Variants in GRAP2 observed in about 807,000 individuals in gnomAD.
The protein encoded by GRAP2 is GRB2-related adapter protein 2.
A neutral mutation model predicts 43.5 loss-of-function variants in GRAP2; 31 were observed. The ratio of observed to expected loss-of-function variants is 0.71; its 90% CI spans 0.54 to 0.96. GRAP2 has a LOEUF of 0.96. GRAP2 is among the 40% of genes least tolerant of loss of function. GRAP2 has a pLI of 0.00. For synonymous variants in GRAP2, 156 were observed against 164.8 expected (o/e 0.95, Z 0.41); for missense variants, 371 against 424.4 (o/e 0.87, Z 1.11).
At chr22:39,938,918 C>T (rs772350855) in intron 1 of GRAP2, among the ~76,000 whole-genome samples, 2 of 152,130 alleles carry the variant, frequency 1.3e-5, no homozygotes, top group Non-Finnish European at 2.9e-5. Flanking sequence ...TTATAATTCT[C>T]GGACAAGCTG....
At chr22:39,926,930 A>T in intron 1 of GRAP2, 2 of 780,864 alleles carry the variant, frequency 2.6e-6, no homozygotes, top group Non-Finnish European at 3.1e-6. Flanking sequence ...GCTGCCACCC[A>T]CTGCCTGGCT....
At chr22:39,957,092 A>T (rs1031588301) in intron 3 of GRAP2, among the ~76,000 whole-genome samples, 2 of 152,226 alleles carry the variant, frequency 1.3e-5, no homozygotes. Flanking sequence ...AGAATTGACC[A>T]CAAGGGTTAG....
chr22:39,906,853 T>C (rs1485456942), intron 1 of GRAP2, among the ~76,000 whole-genome samples: 2 of 152,210 alleles, frequency 1.3e-5, no homozygotes, highest in Non-Finnish European at 2.9e-5. Context: ...ATAGTTCTCT[T>C]GTTAAATATG....
chr22:39,913,221 G>T (rs1228609085), intron 1 of GRAP2, among the ~76,000 whole-genome samples: 2 of 151,804 alleles, frequency 1.3e-5, no homozygotes, highest in South Asian at 2.1e-4. Context: ...AGAGGACAGG[G>T]CTGATGTTCA....
rs1601747189 is a variant in GRAP2, at chr22:39,969,470, T to A, written c.750T>A (p.Ser250Arg). ...NDGHCGTGLG[S>R]EMNAALMHRR... ...GGCATTGTGGCACCGGCTTGGGCAG[T>A]GAAATGAATGCGGCCCTCATGCATC... Residue 250 changes from serine (S) to arginine (R), a missense_variant, in exon 7 of 8, where the codon AGT becomes AGA. By Grantham distance (110) the Ser-to-Arg change is moderately radical (BLOSUM62 -1). Transcript: ENST00000344138. The A allele has an allele frequency of 6.2e-7, 1 of 1,613,866 alleles. No individual in the cohort carries two copies. The highest frequency in any genetic ancestry group is 1.3e-5 in the African/African-American group (1 of 74,878).
chr22:39,935,596 C>T (rs1397745683), intron 1 of GRAP2, among the ~76,000 whole-genome samples: 1 of 152,118 alleles, frequency 6.6e-6, no homozygotes, highest in Non-Finnish European at 1.5e-5. Context: ...AGTACCTTTA[C>T]TTGTAAAAAT....
At chr22:39,955,574 G>C (rs1390047759) in intron 2 of GRAP2, among the ~76,000 whole-genome samples, 1 of 152,182 alleles carries the variant, frequency 6.6e-6, no homozygotes, top group Non-Finnish European at 1.5e-5. Context: ...CCACAGTGGG[G>C]TGACATGAGT....
intron 1 of GRAP2, among the ~76,000 whole-genome samples, chr22:39,911,528 C>G (rs17001521): frequency 0.14 from 21,937 of 151,968 alleles, 2,541 homozygotes; most frequent in East Asian, 0.65. Flanking sequence ...ATTTTCATCC[C>G]TGGCCAGCGC....
chr22:39,947,146 G>A lies in GRAP2; in HGVS notation c.40G>A (p.Glu14Lys), dbSNP rs1209490927. ...VAKFDFTASG[E>K]DELSFHTGDV... Reference sequence around the variant, plus strand: ...CAAGTTTGATTTCACTGCTTCAGGTGAGGATGAACTGAGCTTTCACACTGG... The same window carrying A: ...CAAGTTTGATTTCACTGCTTCAGGTAAGGATGAACTGAGCTTTCACACTGG... The change falls in exon 2 of 8, where the codon GAG becomes AAG. Residue 14 changes from glutamate to lysine, a missense_variant. Glu to Lys is a moderately conservative substitution (Grantham distance 56). Transcript: ENST00000344138. 1.9e-6 allele frequency: 3 copies of A among 1,606,862 alleles called. No homozygotes were observed. Among genetic ancestry groups the A allele is most frequent in the South Asian group, 1.1e-5 (1 of 90,940 alleles).
chr22:39,959,368 G>A (rs1601735220), intron 3 of GRAP2, among the ~76,000 whole-genome samples: 2 of 152,192 alleles, frequency 1.3e-5, no homozygotes, highest in East Asian at 3.8e-4. Context: ...TCCCAGCCTG[G>A]ATTTTTGGGG....
intron 2 of GRAP2, among the ~76,000 whole-genome samples, chr22:39,951,814 A>C (rs1859778359): frequency 6.6e-6 from 1 of 152,008 alleles, no homozygotes; most frequent in Admixed American, 6.6e-5. Flanking sequence ...TTTTTTTTAA[A>C]AAAAAACCTC....
At chr22:39,898,249 G>A (rs2066473298), upstream of GRAP2, among the ~76,000 whole-genome samples, 2 of 152,114 alleles carry the variant, frequency 1.3e-5, no homozygotes, top group South Asian at 2.1e-4. Context: ...CACACTCCCT[G>A]TGGCTCTTGC....
chr22:39,943,602 A>G (rs959078687), intron 1 of GRAP2, among the ~76,000 whole-genome samples: 1 of 152,104 alleles, frequency 6.6e-6, no homozygotes, highest in Non-Finnish European at 1.5e-5. Context: ...TAGAGGCTGC[A>G]GCGTCTCACA....
the GRAP2 span, among the ~76,000 whole-genome samples, chr22:39,895,785 G>A: frequency 1.3e-5 from 2 of 152,206 alleles, no homozygotes; most frequent in African/African-American, 4.8e-5. Flanking sequence ...GAATAAATCA[G>A]CAATTGTAAG....
chr22:39,970,809 C>G, intron 7 of GRAP2, 96 bp from the exon 8 acceptor site: 1 of 1,171,594 alleles, frequency 8.5e-7, no homozygotes, highest in East Asian at 2.5e-5. Flanking sequence ...GAATGTTGCT[C>G]TCAAAGACTT....
intron 2 of GRAP2, among the ~76,000 whole-genome samples, chr22:39,954,221 CAT>C (rs2067020832): frequency 2.0e-5 from 3 of 152,272 alleles, no homozygotes; most frequent in Non-Finnish European, 2.9e-5. Flanking sequence ...GAGCAAGAAA[CAT>C]AAACTAAAAA....
At chr22:39,962,857 C>T (rs932007240) in intron 4 of GRAP2, among the ~76,000 whole-genome samples, 7 of 152,104 alleles carry the variant, frequency 4.6e-5, no homozygotes, top group South Asian at 2.1e-4. Context: ...TCAGTAGAGA[C>T]GGGGTTTCGT....
intron 1 of GRAP2, among the ~76,000 whole-genome samples, chr22:39,944,600 G>A (rs1042520295): frequency 2.6e-5 from 4 of 152,140 alleles, no homozygotes; most frequent in African/African-American, 9.7e-5. Flanking sequence ...TGGCTGTGTC[G>A]TTGGCTTTGC....
intron 1 of GRAP2, among the ~76,000 whole-genome samples, chr22:39,935,691 C>G (rs1447086402): frequency 6.6e-6 from 1 of 152,096 alleles, no homozygotes; most frequent in African/African-American, 2.4e-5. Context: ...CTTTTGCAAG[C>G]TTTGAGATCA....
Sources: allele counts gnomAD v4.1 joint callset (sites outside exome capture counted in the v4.1 genomes callset), GRCh38; gene constraint gnomAD v4.1.1; transcripts MANE v1.5; gene names NCBI Gene and HGNC (gene_info 2026-07-23, HGNC 2026-07-21).